FRMPD4: variants seen among roughly 807,000 people sequenced by gnomAD.
FRMPD4 encodes FERM and PDZ domain-containing protein 4.
Under a neutral mutation model 94.1 loss-of-function variants are expected in FRMPD4, and 22 were observed. The observed-to-expected ratio is 0.23, with a 90% confidence interval of 0.17 to 0.33. The LOEUF is 0.33. Among genes scored for constraint, FRMPD4 ranks in the 10% least tolerant of loss-of-function variants. FRMPD4 has a pLI of 1.00. For missense variants in FRMPD4, 1,111 were observed against 1,339.9 expected (o/e 0.83, Z 2.67); for synonymous variants, 631 against 548.6 (o/e 1.15, Z -2.10).
intron 1 of FRMPD4, among the ~76,000 whole-genome samples, chrX:12,204,690 T>C (rs2056671117): frequency 9.0e-6 from 1 of 111,310 alleles, no homozygotes; most frequent in African/African-American, 3.3e-5. Flanking sequence ...TTCCCTTCTC[T>C]TCTCTTCATC....
chrX:12,022,027 C>T (rs1360148540), intron 3 of FRMPD4, among the ~76,000 whole-genome samples: 1 of 112,102 alleles, frequency 8.9e-6, no homozygotes, highest in Admixed American at 9.4e-5. Context: ...GTTTCTTCCT[C>T]CTTGCATATC....
intron 1 of FRMPD4, among the ~76,000 whole-genome samples, chrX:12,489,480 A>G (rs1189665460): frequency 8.9e-6 from 1 of 112,514 alleles, no homozygotes; most frequent in Non-Finnish European, 1.9e-5. Context: ...TCATCCATAA[A>G]TAAGTGAAAT....
intron 5 of FRMPD4, among the ~76,000 whole-genome samples, chrX:12,679,980 T>C (rs773440563): frequency 1.2e-4 from 14 of 112,276 alleles, no homozygotes; most frequent in Non-Finnish European, 2.1e-4. Context: ...CAACCAGTGA[T>C]AACTGTAGGC....
chrX:12,092,999 A>G (rs1469529969), intron 3 of FRMPD4, among the ~76,000 whole-genome samples: 1 of 111,349 alleles, frequency 9.0e-6, no homozygotes, highest in Non-Finnish European at 1.9e-5. Context: ...CAAGATATCT[A>G]GGGGGAAAAG....
chrX:12,144,380 T>G (rs1006423761), intron 1 of FRMPD4, among the ~76,000 whole-genome samples: 11 of 111,620 alleles, frequency 9.9e-5, no homozygotes. Flanking sequence ...GTACTTAAGC[T>G]CTGAAAATTA....
rs368385909 is a variant in FRMPD4, at chrX:12,186,489, G to A, written c.41+47477G>A. On this transcript the variant is annotated intron_variant, in intron 1 of 16. Transcript: ENST00000675598. ...TTCTATTTTACTTATCATATGTCAC[G>A]TAATAATACAATAGTATCCCAAAGA... 1.3e-3 allele frequency among the ~76,000 whole-genome samples: 147 copies of A among 110,878 alleles called. 1 individual carries two copies. The highest frequency in any genetic ancestry group is 4.4e-3 in the African/African-American group (134 of 30,601).
chrX:12,045,776 G>T (rs1425078307), intron 3 of FRMPD4, among the ~76,000 whole-genome samples: 1 of 111,422 alleles, frequency 9.0e-6, no homozygotes, highest in Non-Finnish European at 1.9e-5. Context: ...TCACTGAACA[G>T]GTAGATAAAT....
chrX:12,696,139 G>A (rs1213494128), intron 9 of FRMPD4, among the ~76,000 whole-genome samples: 1 of 112,584 alleles, frequency 8.9e-6, no homozygotes, highest in African/African-American at 3.2e-5. Context: ...GGTATGATGA[G>A]AGTTTTCCCT....
intron 1 of FRMPD4, among the ~76,000 whole-genome samples, chrX:12,224,035 C>T (rs1435586923): frequency 9.1e-6 from 1 of 109,504 alleles, no homozygotes; most frequent in Non-Finnish European, 1.9e-5. Context: ...AGCACTATCC[C>T]TGGCCTCTAT....
chrX:12,402,400 G>T, intron 1 of FRMPD4, among the ~76,000 whole-genome samples: 1 of 111,147 alleles, frequency 9.0e-6, no homozygotes, highest in Non-Finnish European at 1.9e-5. Context: ...ATGAGTTTCA[G>T]AACAAAATAC....
intron 1 of FRMPD4, among the ~76,000 whole-genome samples, chrX:12,318,282 T>C (rs2055156690): frequency 8.9e-6 from 1 of 112,116 alleles, no homozygotes; most frequent in Non-Finnish European, 1.9e-5. Flanking sequence ...TCCCAGCACT[T>C]TGGGAGGCTA....
chrX:12,627,001 C>T (rs1324884824), intron 4 of FRMPD4, among the ~76,000 whole-genome samples: 1 of 111,700 alleles, frequency 9.0e-6, no homozygotes, highest in African/African-American at 3.3e-5. Flanking sequence ...CAGGGCCGGG[C>T]ATGGTGGCTC....
chrX:12,572,462 T>C (rs2058769415), intron 2 of FRMPD4, among the ~76,000 whole-genome samples: 1 of 112,694 alleles, frequency 8.9e-6, no homozygotes, highest in Admixed American at 9.4e-5. Context: ...GAAAAAGACA[T>C]GCTAAAGCTT....
chrX:12,646,016 T>C (rs1365959817), intron 4 of FRMPD4, among the ~76,000 whole-genome samples: 2 of 111,721 alleles, frequency 1.8e-5, no homozygotes, highest in African/African-American at 6.5e-5. Flanking sequence ...AAGGCAAAGA[T>C]AGTGTTAAAC....
intron 1 of FRMPD4, among the ~76,000 whole-genome samples, chrX:12,255,707 A>G (rs1461105882): frequency 3.6e-5 from 4 of 112,178 alleles, no homozygotes; most frequent in Non-Finnish European, 5.6e-5. Flanking sequence ...AGTGTAATTA[A>G]AGGAATAATT....
chrX:12,350,378 G>T (rs1179057320), intron 1 of FRMPD4, among the ~76,000 whole-genome samples: 2 of 110,629 alleles, frequency 1.8e-5, no homozygotes, highest in African/African-American at 6.6e-5. Flanking sequence ...GTTTGTATTG[G>T]TCTTAAGTGC....
intron 2 of FRMPD4, among the ~76,000 whole-genome samples, chrX:12,536,066 GATATAT>G (rs10539431): frequency 2.1e-5 from 2 of 95,164 alleles, no homozygotes; most frequent in Middle Eastern, 0.01. Flanking sequence ...AATATATAAG[GATATAT>G]ATATATATAT....
chrX:12,635,597 C>T (rs1235637415), intron 4 of FRMPD4, among the ~76,000 whole-genome samples: 3 of 111,146 alleles, frequency 2.7e-5, no homozygotes, highest in Non-Finnish European at 5.7e-5. Context: ...GTGGAATATG[C>T]TAGGAGGGGC....
chrX:12,530,717 A>G (rs1041610270), intron 2 of FRMPD4, among the ~76,000 whole-genome samples: 2 of 111,880 alleles, frequency 1.8e-5, no homozygotes, highest in African/African-American at 6.5e-5. Flanking sequence ...TGAAATTTCT[A>G]TCTCAGGGGA....
Sources: allele counts gnomAD v4.1 joint callset (sites outside exome capture counted in the v4.1 genomes callset), GRCh38; gene constraint gnomAD v4.1.1; transcripts MANE v1.5; gene names NCBI Gene and HGNC (gene_info 2026-07-23, HGNC 2026-07-21).